The following NEGR1 variants were observed in gnomAD, a reference collection of about 807,000 sequenced individuals.
NEGR1 encodes the protein neuronal growth regulator 1.
In NEGR1, 10 loss-of-function variants were observed where a neutral mutation model predicts 40.9. The observed-to-expected ratio is 0.24, with a 90% CI of 0.15 to 0.42. NEGR1 has a LOEUF of 0.42. Among genes scored for constraint, NEGR1 ranks in the 10% least tolerant of loss-of-function variants. The pLI, the probability that NEGR1 is intolerant of heterozygous loss-of-function variation, is 1.00. For missense variants in NEGR1, 352 were observed against 438.9 expected, an observed-to-expected ratio of 0.80 and a Z score of 1.77; for synonymous variants, 185 against 166.8, an observed-to-expected ratio of 1.11 and a Z score of -0.84.
At position 72,142,232 on chromosome 1, in the gene NEGR1, T is replaced by G. The variant is rs181053336; in HGVS notation, c.176+140087A>C. On this transcript the variant is annotated intron_variant, in intron 1 of 6. Coordinates refer to ENST00000357731, the MANE Select transcript of NEGR1 (RefSeq NM_173808.3). ...ATGCTTCGTTAAGGAGGTTCTACTATGTCAGAGTGTGATTTTTTTCATTTC... is the reference window on the plus strand; with the variant it reads ...ATGCTTCGTTAAGGAGGTTCTACTAGGTCAGAGTGTGATTTTTTTCATTTC... Among the ~76,000 whole-genome samples, 4 of 152,038 alleles carry G rather than the reference T, an allele frequency of 2.6e-5. No individual in the cohort carries two copies. The East Asian group carries it at 7.7e-4, about 29-fold the overall frequency.
chr1:71,502,351 G>T (rs996377200), intron 6 of NEGR1, among the ~76,000 whole-genome samples: 5 of 152,168 alleles, frequency 3.3e-5, no homozygotes, highest in African/African-American at 1.2e-4. Context: ...GACCAATGAG[G>T]AACTGGGGAA....
chr1:71,476,060 GT>G (rs1181910858), intron 6 of NEGR1, among the ~76,000 whole-genome samples: 3 of 151,878 alleles, frequency 2.0e-5, no homozygotes, highest in Non-Finnish European at 4.4e-5. Context: ...TCTGATGTGG[GT>G]TTTTTCTTCC....
intron 3 of NEGR1, among the ~76,000 whole-genome samples, chr1:71,721,307 G>C (rs932289674): frequency 6.6e-6 from 1 of 152,038 alleles, no homozygotes; most frequent in Non-Finnish European, 1.5e-5. Flanking sequence ...GTCAGTTGCA[G>C]GAATACTCAA....
chr1:72,072,587 T>C (rs1210106814), intron 1 of NEGR1, among the ~76,000 whole-genome samples: 1 of 152,116 alleles, frequency 6.6e-6, no homozygotes, highest in Non-Finnish European at 1.5e-5. Flanking sequence ...AGCAATTATA[T>C]TTCAATATAA....
intron 4 of NEGR1, among the ~76,000 whole-genome samples, chr1:71,661,105 G>A (rs1357549272): frequency 6.6e-6 from 1 of 152,172 alleles, no homozygotes; most frequent in African/African-American, 2.4e-5. Flanking sequence ...TAACATTGAT[G>A]AGCATTACGG....
chr1:72,007,882 A>C (rs1646621689), intron 1 of NEGR1, among the ~76,000 whole-genome samples: 1 of 152,170 alleles, frequency 6.6e-6, no homozygotes, highest in South Asian at 2.1e-4. Context: ...CTCCTCAAAG[A>C]AAATATGTCA....
intron 2 of NEGR1, among the ~76,000 whole-genome samples, chr1:71,797,767 T>C (rs1657392551): frequency 6.6e-6 from 1 of 152,168 alleles, no homozygotes; most frequent in Non-Finnish European, 1.5e-5. Flanking sequence ...TTAGTTGTCT[T>C]TGTTTCCTTC....
At chr1:71,742,999 G>T (rs1319333802) in intron 3 of NEGR1, among the ~76,000 whole-genome samples, 2 of 152,046 alleles carry the variant, frequency 1.3e-5, no homozygotes, top group Non-Finnish European at 2.9e-5. Flanking sequence ...CACAAGAGAG[G>T]TTATCTCTCT....
intron 3 of NEGR1, among the ~76,000 whole-genome samples, chr1:71,704,950 T>C (rs1321301007): frequency 2.6e-5 from 4 of 152,074 alleles, no homozygotes; most frequent in East Asian, 3.9e-4. Context: ...GAAAAGATGA[T>C]TGTGTTACCA....
chr1:71,460,586 T>C (rs1157780173), intron 6 of NEGR1, among the ~76,000 whole-genome samples: 4 of 152,224 alleles, frequency 2.6e-5, no homozygotes, highest in Admixed American at 6.5e-5. Flanking sequence ...TCAGATAATA[T>C]GATACTTAGT....
chr1:71,545,787 G>A (rs1647875426), intron 6 of NEGR1, among the ~76,000 whole-genome samples: 1 of 151,638 alleles, frequency 6.6e-6, no homozygotes, highest in Non-Finnish European at 1.5e-5. Context: ...GTAGCCCATT[G>A]AAGCAGAACT....
At chr1:71,875,044 GC>G (rs1256411329) in intron 2 of NEGR1, among the ~76,000 whole-genome samples, 6 of 152,070 alleles carry the variant, frequency 3.9e-5, no homozygotes, top group African/African-American at 1.4e-4. Context: ...ATGGGATTTT[GC>G]CATGTTGCCC....
chr1:71,947,172 T>C (rs1007868710), intron 1 of NEGR1, among the ~76,000 whole-genome samples: 2 of 148,302 alleles, frequency 1.3e-5, no homozygotes, highest in African/African-American at 4.9e-5. Context: ...ATAGTTAATA[T>C]ATATTATATA....
intron 4 of NEGR1, among the ~76,000 whole-genome samples, chr1:71,684,152 C>T (rs1652939552): frequency 6.6e-6 from 1 of 151,916 alleles, no homozygotes; most frequent in African/African-American, 2.4e-5. Flanking sequence ...CGCCTGTAGT[C>T]CCAGCTACTG....
intron 4 of NEGR1, among the ~76,000 whole-genome samples, chr1:71,680,158 C>G (rs915665800): frequency 1.3e-5 from 2 of 151,796 alleles, no homozygotes; most frequent in Non-Finnish European, 2.9e-5. Flanking sequence ...CTTTTTATTT[C>G]TTTTTAAAAA....
At chr1:72,048,060 A>G (rs940648047) in intron 1 of NEGR1, among the ~76,000 whole-genome samples, 2 of 151,608 alleles carry the variant, frequency 1.3e-5, no homozygotes, top group African/African-American at 4.8e-5. Flanking sequence ...CTCTCTGGGC[A>G]CTTTCATCTA....
chr1:71,826,012 T>C (rs1381995023), intron 2 of NEGR1, among the ~76,000 whole-genome samples: 1 of 151,904 alleles, frequency 6.6e-6, no homozygotes, highest in African/African-American at 2.4e-5. Flanking sequence ...TCAGCTTTCA[T>C]ACGCCACAAA....
chr1:71,812,021 A>G (rs1009939510), intron 2 of NEGR1, among the ~76,000 whole-genome samples: 3 of 151,844 alleles, frequency 2.0e-5, no homozygotes, highest in African/African-American at 7.3e-5. Flanking sequence ...CCCCACATGC[A>G]TTAGCTATTT....
At chr1:71,951,207 A>T (rs1377975442) in intron 1 of NEGR1, among the ~76,000 whole-genome samples, 1 of 151,946 alleles carries the variant, frequency 6.6e-6, no homozygotes, top group Non-Finnish European at 1.5e-5. Context: ...TATACTTTTG[A>T]TTTAGCCAAA....
Sources: gnomAD v4.1 joint callset for allele counts (sites outside exome capture counted in the v4.1 genomes callset) on GRCh38, gnomAD v4.1.1 for gene constraint, MANE v1.5 for transcripts, NCBI Gene and HGNC (gene_info 2026-07-23, HGNC 2026-07-21) for gene names.